Variants in STK32A observed in about 807,000 individuals in gnomAD.
The protein encoded by STK32A is serine/threonine kinase 32A.
Under a neutral mutation model 53.2 loss-of-function variants are expected in STK32A, and 41 were observed. The observed-to-expected ratio is 0.77, with a 90% CI of 0.60 to 1.00. The LOEUF (loss-of-function observed/expected upper bound fraction) is 1.00. Among genes scored for constraint, STK32A ranks in the 50% least tolerant of loss-of-function variants. The pLI is 0.00. For missense variants in STK32A, 458 were observed against 485.8 expected, an observed-to-expected ratio of 0.94 and a Z score of 0.54; for synonymous variants, 166 against 162.8, an observed-to-expected ratio of 1.02 and a Z score of -0.15.
chr5:147,236,253 G>T (rs144716745), intron 1 of STK32A, among the ~76,000 whole-genome samples: 2 of 152,140 alleles, frequency 1.3e-5, no homozygotes, highest in African/African-American at 4.8e-5. Flanking sequence ...AATCGGCCAG[G>T]TCAGGGTAGA....
chr5:147,289,857 C>T (rs1454359098), intron 4 of STK32A, among the ~76,000 whole-genome samples: 1 of 152,118 alleles, frequency 6.6e-6, no homozygotes, highest in African/African-American at 2.4e-5. Context: ...TAGCCTCAAT[C>T]ATTCCTTCTT....
intron 5 of STK32A, among the ~76,000 whole-genome samples, chr5:147,340,696 A>G (rs1315684514): frequency 6.6e-6 from 1 of 152,128 alleles, no homozygotes; most frequent in Non-Finnish European, 1.5e-5. Context: ...TTACAAATCC[A>G]CTTTCTCTTA....
chr5:147,256,569 T>C (rs190676791), intron 2 of STK32A, among the ~76,000 whole-genome samples: 1 of 152,324 alleles, frequency 6.6e-6, no homozygotes, highest in East Asian at 1.9e-4. Flanking sequence ...TGGAGTGCAA[T>C]GGCGCAATCT....
rs1753803972 is a variant in STK32A at position 147,247,294 on chromosome 5, T to C, written c.52+7608T>C. ...ATGAAATATACACGGATTTCTACTA[T>C]GCATTACTATGTGACCATTCATGGA... On this transcript the variant is annotated intron_variant, in intron 2 of 12. Transcript: ENST00000397936. Among the ~76,000 whole-genome samples, 4 of 152,194 alleles carry C rather than the reference T, an allele frequency of 2.6e-5. No individual in the cohort carries two copies. In the South Asian group the frequency reaches 8.3e-4, roughly 32 times the overall value.
chr5:147,272,528 G>A (rs1755083360), intron 2 of STK32A, among the ~76,000 whole-genome samples: 1 of 152,188 alleles, frequency 6.6e-6, no homozygotes, highest in South Asian at 2.1e-4. Flanking sequence ...TATACAGAAA[G>A]GGTTTAACAA....
rs1309817235 is a variant in STK32A, at chr5:147,386,760, GA to G, written c.*2781del. On this transcript the variant is annotated 3_prime_UTR_variant, in exon 13 of 13. Coordinates refer to ENST00000397936, the MANE Select transcript of STK32A (RefSeq NM_001112724.2). ...ATGACACACAGTGTATTTCAAGTTT[GA>G]AAAGCAAAACCATGGTATCTGACAG... is the stretch of plus-strand genomic sequence containing the variant. 1 of 152,168 alleles carries G rather than the reference GA, an allele frequency of 6.6e-6. No individual in the cohort carries two copies. The highest frequency in any genetic ancestry group is 1.9e-4 in the East Asian group (1 of 5,196). 9.4% of individuals were successfully genotyped at this position (152,168 alleles called of 1,614,324 possible).
At chr5:147,388,617 A>C (rs1303844764), downstream of STK32A, among the ~76,000 whole-genome samples, 2 of 152,012 alleles carry the variant, frequency 1.3e-5, no homozygotes, top group African/African-American at 4.8e-5. Flanking sequence ...TTTATCCCCC[A>C]TCTCCTGCTC....
intron 4 of STK32A, among the ~76,000 whole-genome samples, chr5:147,317,528 T>C (rs71580437): frequency 0.32 from 48,183 of 151,694 alleles, 8,257 homozygotes; most frequent in Non-Finnish European, 0.37. Flanking sequence ...GGTTTCACCA[T>C]GTTGGTAAGC....
chr5:147,312,023 A>C (rs1404679331), intron 4 of STK32A, among the ~76,000 whole-genome samples: 1 of 152,226 alleles, frequency 6.6e-6, no homozygotes, highest in African/African-American at 2.4e-5. Flanking sequence ...CAGGGGAGAT[A>C]AACTCCAACC....
chr5:147,243,122 T>A lies in STK32A; in HGVS notation c.52+3436T>A, dbSNP rs1010735835. Among the ~76,000 whole-genome samples, 4 of 53,284 alleles carry A rather than the reference T, an allele frequency of 7.5e-5. 1 individual carries two copies. Among genetic ancestry groups the A allele is most frequent in the Non-Finnish European group, 1.7e-4 (4 of 23,370 alleles). 35.0% of individuals were successfully genotyped at this position (53,284 alleles called of 152,430 possible). On this transcript the variant is annotated intron_variant, in intron 2 of 12. Transcript: ENST00000397936. Reference sequence around the variant, plus strand: ...TTTTTAAAAAGTTTTTTAAAATTTTTAAAAAGATTTTTTAAAAGATTTTTA... The same window carrying A: ...TTTTTAAAAAGTTTTTTAAAATTTTAAAAAAGATTTTTTAAAAGATTTTTA...
rs151279906 is a variant in STK32A, at chr5:147,366,362, G to A, written c.661-4292G>A. ...AATCACTAAATGAAGTTTTAATAAA[G>A]GATATATCTTCATTGCAGGGCTTTT... On this transcript the variant is annotated intron_variant, in intron 8 of 12. Transcript: ENST00000397936. Among the ~76,000 whole-genome samples, 1,206 of 152,222 alleles carry A rather than the reference G, an allele frequency of 7.9e-3. 15 individuals carry two copies. The highest frequency in any genetic ancestry group is 0.027 in the African/African-American group (1,136 of 41,530).
At chr5:147,281,405 G>A (rs141259538) in intron 4 of STK32A, among the ~76,000 whole-genome samples, 6,517 of 152,058 alleles carry the variant, frequency 0.043, 200 homozygotes, top group Middle Eastern at 0.11. Flanking sequence ...ATAGCTTAAA[G>A]AAAAAACAAT....
At chr5:147,322,367 G>A (rs1325051306) in intron 4 of STK32A, among the ~76,000 whole-genome samples, 1 of 152,142 alleles carries the variant, frequency 6.6e-6, no homozygotes, top group African/African-American at 2.4e-5. Flanking sequence ...GAACTATCAG[G>A]TGCTATTAAT....
intron 4 of STK32A, among the ~76,000 whole-genome samples, chr5:147,316,116 T>A (rs913311237): frequency 5.3e-5 from 8 of 152,156 alleles, no homozygotes; most frequent in Non-Finnish European, 1.0e-4. Context: ...GGGGTAATGT[T>A]GATACTGTTA....
Position 147,301,514 on chromosome 5 carries a change from C to A in STK32A, c.260+22116C>A, listed in dbSNP as rs1189752299. ...GTGGACAACTGCACCTAAACTTGAA[C>A]CTGAGCACTAGAAAGTCTTTTGTTT... On this transcript the variant is annotated intron_variant, in intron 4 of 12. Transcript: ENST00000397936. 2.6e-5 allele frequency among the ~76,000 whole-genome samples: 4 copies of A among 152,100 alleles called. No homozygotes were observed. In the South Asian group the frequency reaches 8.3e-4, roughly 32 times the overall value.
chr5:147,369,644 G>C (rs1756920178), intron 8 of STK32A, among the ~76,000 whole-genome samples: 1 of 152,064 alleles, frequency 6.6e-6, no homozygotes, highest in African/African-American at 2.4e-5. Context: ...ATTTACTACA[G>C]GGAAAAACTT....
At chr5:147,401,527 T>C in the STK32A span, 1 of 1,608,294 alleles carries the variant, frequency 6.2e-7, no homozygotes, top group South Asian at 1.1e-5. Context: ...CTGCTGGGCA[T>C]TCCTGCACCA....
At chr5:147,246,811 A>G (rs1753785751) in intron 2 of STK32A, among the ~76,000 whole-genome samples, 1 of 152,194 alleles carries the variant, frequency 6.6e-6, no homozygotes, top group East Asian at 1.9e-4. Flanking sequence ...TGCATAATTT[A>G]TATCTATTTG....
At chr5:147,271,600 A>T (rs1019165003) in intron 2 of STK32A, among the ~76,000 whole-genome samples, 1 of 152,192 alleles carries the variant, frequency 6.6e-6, no homozygotes, top group Non-Finnish European at 1.5e-5. Flanking sequence ...TCTTTTTCTC[A>T]GCAATGAACA....
Sources: gnomAD v4.1 joint callset for allele counts (sites outside exome capture counted in the v4.1 genomes callset) on GRCh38, gnomAD v4.1.1 for gene constraint, MANE v1.5 for transcripts, NCBI Gene and HGNC (gene_info 2026-07-23, HGNC 2026-07-21) for gene names.